The following EPB41L4B variants were observed in gnomAD, a reference collection of about 807,000 sequenced individuals.
EPB41L4B encodes the protein erythrocyte membrane protein band 4.1 like 4B.
In EPB41L4B, 30 loss-of-function variants were observed where a neutral mutation model predicts 112.5. The observed-to-expected ratio is 0.27, with a 90% CI of 0.20 to 0.36. The LOEUF (loss-of-function observed/expected upper bound fraction) is 0.36, where lower values mean the gene tolerates loss of function less well. Among genes scored for constraint, EPB41L4B ranks in the 10% least tolerant of loss-of-function variants. The probability of loss-of-function intolerance (pLI) is 1.00; values close to 1 mark genes in which losing one functional copy is unlikely to be tolerated. For synonymous variants in EPB41L4B, 408 were observed against 439.7 expected (o/e 0.93, Z 0.90); for missense variants, 1,024 against 1,133.3 (o/e 0.90, Z 1.38).
At chr9:109,242,847 TAAAAAAAAA>T (rs11292845) in intron 15 of EPB41L4B, among the ~76,000 whole-genome samples, 1 of 127,148 alleles carries the variant, frequency 7.9e-6, no homozygotes, top group Non-Finnish European at 1.7e-5. Context: ...AAGCTAGCCT[TAAAAAAAAA>T]AAAAAAAAAA....
chr9:109,268,409 T>C lies in EPB41L4B; in HGVS notation c.436A>G (p.Ile146Val). The C allele has an allele frequency of 6.2e-7, 1 of 1,610,538 alleles. No homozygotes were observed. Among genetic ancestry groups the C allele is most frequent in the Non-Finnish European group, 8.5e-7 (1 of 1,179,340 alleles). ...TACTTACTTTTCATCTGCTTTTTTA[T>C]GGGTTTGGCATGATCCAGCCAGTGC... ...VAHWLDHAKP[I>V]KKQMKIGPAY... The change falls in exon 3 of 26, where the codon ATA (isoleucine) becomes GTA (valine). Residue 146 changes from isoleucine (I) to valine (V), a missense_variant. Physicochemically the swap from Ile to Val is conservative, Grantham distance 29. Transcript: ENST00000374566.
intron 23 of EPB41L4B, among the ~76,000 whole-genome samples, chr9:109,184,373 C>T (rs189967064): frequency 3.3e-5 from 5 of 152,294 alleles, no homozygotes; most frequent in East Asian, 1.9e-4. Flanking sequence ...GCACGTGCCA[C>T]GATGCCCAGC....
At chr9:109,195,413 T>C (rs992750713) in intron 20 of EPB41L4B, among the ~76,000 whole-genome samples, 3 of 152,084 alleles carry the variant, frequency 2.0e-5, no homozygotes, top group African/African-American at 7.2e-5. Context: ...TTATTCTGTG[T>C]ATGGAGAAGC....
chr9:109,271,538 G>A (rs138549165), intron 2 of EPB41L4B, among the ~76,000 whole-genome samples: 60 of 152,302 alleles, frequency 3.9e-4, no homozygotes, highest in African/African-American at 1.4e-3. Flanking sequence ...GATCACTCGT[G>A]TTTTATCCCA....
intron 15 of EPB41L4B, among the ~76,000 whole-genome samples, chr9:109,219,053 A>C (rs1833484860): frequency 6.6e-6 from 1 of 151,624 alleles, no homozygotes; most frequent in Non-Finnish European, 1.5e-5. Context: ...CATTCGGGGG[A>C]AGACAGTTAG....
chr9:109,218,971 A>T (rs1588145012), intron 15 of EPB41L4B, among the ~76,000 whole-genome samples: 2 of 152,214 alleles, frequency 1.3e-5, no homozygotes, highest in East Asian at 3.9e-4. Context: ...TCATACTAGA[A>T]CAAACTGCTA....
At chr9:109,246,806 C>T (rs557715145) in intron 14 of EPB41L4B, among the ~76,000 whole-genome samples, 28 of 152,354 alleles carry the variant, frequency 1.8e-4, no homozygotes, top group African/African-American at 6.0e-4. Context: ...AACAGCAAGA[C>T]GCCAGCCATA....
intron 1 of EPB41L4B, among the ~76,000 whole-genome samples, chr9:109,318,150 CGTGTGTGTGTGT>C (rs3983533): frequency 0.2 from 29,925 of 149,536 alleles, 3,980 homozygotes; most frequent in South Asian, 0.39. Flanking sequence ...GGGGCATATA[CGTGTGTGTGTGT>C]GTGTGTGTGT....
intron 13 of EPB41L4B, among the ~76,000 whole-genome samples, chr9:109,251,271 G>A (rs556510282): frequency 6.6e-6 from 1 of 152,310 alleles, no homozygotes; most frequent in Admixed American, 6.5e-5. Context: ...AAGCAGCTGT[G>A]TTTGCCAAAA....
chr9:109,317,894 G>C (rs919872920), intron 1 of EPB41L4B, among the ~76,000 whole-genome samples: 3 of 152,244 alleles, frequency 2.0e-5, no homozygotes, highest in African/African-American at 7.2e-5. Context: ...TGGGTCTGAG[G>C]AGCAGCAAAT....
chr9:109,319,250 G>A (rs1837748036), intron 1 of EPB41L4B, among the ~76,000 whole-genome samples: 1 of 152,230 alleles, frequency 6.6e-6, no homozygotes, highest in Non-Finnish European at 1.5e-5. Context: ...GCAGCGGACC[G>A]CAGCGCCGGC....
rs1837830872 is a variant in EPB41L4B, at chr9:109,320,473, G to A, written c.-27C>T. 3.1e-6 allele frequency: 3 copies of A among 956,064 alleles called. No individual in the cohort carries two copies. The highest frequency in any genetic ancestry group is 3.7e-6 in the Non-Finnish European group (3 of 811,564). The allele number at this position is 956,064 out of a possible 1,614,324, so 59.2% of individuals were successfully genotyped here. On this transcript the variant is annotated 5_prime_UTR_variant, in exon 1 of 26. Coordinates refer to ENST00000374566, the MANE Select transcript of EPB41L4B (RefSeq NM_019114.5). ...CTGGCTGGGGGCGCCCCCTGCCTCC[G>A]CCCCCTGCGCTGCCGCTGCCGCTGC...
chr9:109,232,228 A>G (rs188598104), intron 15 of EPB41L4B, among the ~76,000 whole-genome samples: 1 of 152,038 alleles, frequency 6.6e-6, no homozygotes, highest in African/African-American at 2.4e-5. Flanking sequence ...CTGGCCTCAA[A>G]TGATCTGCCC....
intron 3 of EPB41L4B, 128 bp from the exon 4 acceptor site, chr9:109,267,679 C>T (rs766100097): frequency 5.7e-5 from 35 of 618,180 alleles, no homozygotes; most frequent in Non-Finnish European, 7.7e-5. Context: ...TAACTGGGCA[C>T]GCGACACTAG....
At chr9:109,274,578 A>G (rs1291270129) in intron 2 of EPB41L4B, among the ~76,000 whole-genome samples, 1 of 152,222 alleles carries the variant, frequency 6.6e-6, no homozygotes, top group Non-Finnish European at 1.5e-5. Flanking sequence ...GTGCAACCAC[A>G]GAGCTCAGCA....
rs1835810747 is a variant in EPB41L4B, at chr9:109,276,148, T to TATCTATATACACATATATA, written c.411+3668_411+3669insTATATATGTGTATATAGAT. On this transcript the variant is annotated intron_variant, in intron 2 of 25. Coordinates refer to ENST00000374566, the MANE Select transcript of EPB41L4B (RefSeq NM_019114.5). ...TGTATATATACATAATATATACGTG[T>TATCTATATACACATATATA]GTGTATACACACACACACACACACA... Among the ~76,000 whole-genome samples, 3 of 142,320 alleles carry TATCTATATACACATATATA rather than the reference T, an allele frequency of 2.1e-5. No individual in the cohort carries two copies. The South Asian group carries it at 6.8e-4, about 32-fold the overall frequency. 93.4% of individuals were successfully genotyped at this position (142,320 alleles called of 152,430 possible). A position where few individuals can be genotyped will look rare whatever the true frequency, so the allele number is the denominator to read the frequency against.
chr9:109,212,958 G>A (rs1395800146), intron 17 of EPB41L4B, among the ~76,000 whole-genome samples: 1 of 152,218 alleles, frequency 6.6e-6, no homozygotes, highest in East Asian at 1.9e-4. Context: ...AGAAACGCTG[G>A]CAAAGAAAAC....
At chr9:109,189,108 G>T (rs564493043) in intron 22 of EPB41L4B, among the ~76,000 whole-genome samples, 5 of 152,310 alleles carry the variant, frequency 3.3e-5, no homozygotes, top group African/African-American at 1.2e-4. Flanking sequence ...AGCAGGTGCT[G>T]TCTTGACTCA....
chr9:109,238,431 C>T (rs1331590392), intron 15 of EPB41L4B, among the ~76,000 whole-genome samples: 1 of 152,170 alleles, frequency 6.6e-6, no homozygotes, highest in East Asian at 1.9e-4. Context: ...CAGACCAGCC[C>T]AGAGATGATG....
Sources: gnomAD v4.1 joint callset for allele counts (sites outside exome capture counted in the v4.1 genomes callset) on GRCh38, gnomAD v4.1.1 for gene constraint, MANE v1.5 for transcripts, NCBI Gene and HGNC (gene_info 2026-07-23, HGNC 2026-07-21) for gene names.